The following ZNF367 variants were observed in gnomAD, a reference collection of about 807,000 sequenced individuals.
ZNF367 encodes zinc finger protein 367.
In ZNF367, 11 loss-of-function variants were observed where a neutral mutation model predicts 31.8. The ratio of observed to expected loss-of-function variants is 0.35; its 90% CI spans 0.22 to 0.57. ZNF367 has a LOEUF of 0.57. Among genes scored for constraint, ZNF367 ranks in the 20% least tolerant of loss-of-function variants. The pLI is 0.85. For synonymous variants in ZNF367, 199 were observed against 202.4 expected, an observed-to-expected ratio of 0.98 and a Z score of 0.14; for missense variants, 353 against 484.1, an observed-to-expected ratio of 0.73 and a Z score of 2.54.
chr9:96,388,214 C>T lies in ZNF367; in HGVS notation c.*23G>A. ...AAGTATGCTGGGCAGTACTTTTGTACAGTGGAAGAGTCAGTGTCCAAGCTA... is the reference window on the plus strand; with the variant it reads ...AAGTATGCTGGGCAGTACTTTTGTATAGTGGAAGAGTCAGTGTCCAAGCTA... On this transcript the variant is annotated 3_prime_UTR_variant, in exon 5 of 5. Coordinates refer to ENST00000375256, the MANE Select transcript of ZNF367 (RefSeq NM_153695.4). The T allele has an allele frequency of 6.3e-6, 10 of 1,594,774 alleles. No homozygotes were observed. The highest frequency in any genetic ancestry group is 8.5e-6 in the Non-Finnish European group (10 of 1,171,782).
rs138924968 is a variant in ZNF367, at chr9:96,402,731, C to T, written c.421-4417G>A. ...AAGTGATCCGCCCACCTCGGCCTCC[C>T]GGAGTGTTGGGATTACAGGCGTGAG... On this transcript the variant is annotated intron_variant, in intron 1 of 4. Transcript: ENST00000375256. 3.0e-4 allele frequency among the ~76,000 whole-genome samples: 46 copies of T among 151,080 alleles called. 1 individual carries two copies. The East Asian group carries it at 7.4e-3, about 24-fold the overall frequency.
Position 96,388,310 on chromosome 9 carries a change from T to A in ZNF367, c.980A>T (p.Gln327Leu). The A allele has an allele frequency of 6.2e-7, 1 of 1,612,374 alleles. No individual in the cohort carries two copies. The highest frequency in any genetic ancestry group is 8.5e-7 in the Non-Finnish European group (1 of 1,180,022). The change falls in exon 5 of 5, where the codon CAG (glutamine) becomes CTG (leucine). Residue 327 changes from glutamine (Q) to leucine (L), a missense_variant. Transcript: ENST00000375256. Reference protein sequence around the residue: ...KRGAQRRLQEQRERLHGALAL... With the variant: ...KRGAQRRLQELRERLHGALAL... ...GAGGGCTCCATGCAGGCGCTCCCGC[T>A]GCTCCTGCAGCCGGCGCTGGGCCCC...
At chr9:96,389,896 A>ATTT (rs777507011) in intron 4 of ZNF367, among the ~76,000 whole-genome samples, 28 of 94,012 alleles carry the variant, frequency 3.0e-4, no homozygotes, top group Non-Finnish European at 3.7e-4. Context: ...TGCCTGGCTA[A>ATTT]TTTTTTTTTT....
In ZNF367 at chr9:96,395,651, G is replaced by A. The variant is rs564511967; in HGVS notation, c.572-709C>T. Among the ~76,000 whole-genome samples, 3 of 152,056 alleles carry A rather than the reference G, an allele frequency of 2.0e-5. No homozygotes were observed. In the South Asian group the frequency reaches 6.2e-4, roughly 32 times the overall value. ...CATTCAAATCTTCCCAATCCTGTAGGCTCTCAGTGAGATTCTTCCTATCTC... is the reference window on the plus strand; with the variant it reads ...CATTCAAATCTTCCCAATCCTGTAGACTCTCAGTGAGATTCTTCCTATCTC... On this transcript the variant is annotated intron_variant, in intron 2 of 4. Coordinates refer to ENST00000375256, the MANE Select transcript of ZNF367 (RefSeq NM_153695.4).
chr9:96,407,720 G>A, intron 1 of ZNF367: 1 of 1,355,684 alleles, frequency 7.4e-7, no homozygotes. Flanking sequence ...GCATGGAAGA[G>A]GATAGTTACT....
In ZNF367 at chr9:96,417,669, C is replaced by T; in HGVS notation, c.364G>A (p.Ala122Thr). 1.9e-6 allele frequency: 2 copies of T among 1,039,314 alleles called. No homozygotes were observed. Among genetic ancestry groups the T allele is most frequent in the Non-Finnish European group, 2.4e-6 (2 of 820,748 alleles). The allele number at this position is 1,039,314 out of a possible 1,614,324, so 64.4% of individuals were successfully genotyped here. The change falls in exon 1 of 5, where the codon GCC becomes ACC. Residue 122 changes from alanine to threonine, a missense_variant. Ala to Thr is a moderately conservative substitution (Grantham distance 58). Around this residue, in one of 5 missense-constraint regions of ZNF367, gnomAD observed 70 missense variants for 57.1 expected, o/e 1.23. Transcript: ENST00000375256. The surrounding 1 kb of genome is among the most constrained non-coding windows in gnomAD (Gnocchi z 5.0). ...TCCTCCTCGTCCTCACCTCCCGAGG[C>T]GGCGGCGGAGGCCGAGGCGGCGGGC... ...PPPAASASAA[A>T]SGGEDEEEAS...
chr9:96,393,226 A>T (rs1415280092), intron 3 of ZNF367, among the ~76,000 whole-genome samples: 1 of 152,090 alleles, frequency 6.6e-6, no homozygotes, highest in Non-Finnish European at 1.5e-5. Context: ...CATTTAAAAA[A>T]CAAATTAAAT....
chr9:96,418,217 G>C lies in ZNF367; in HGVS notation c.-185C>G. 1 of 900,454 alleles carries C rather than the reference G, an allele frequency of 1.1e-6. No homozygotes were observed. Among genetic ancestry groups the C allele is most frequent in the South Asian group, 4.8e-5 (1 of 20,882 alleles). The allele number at this position is 900,454 out of a possible 1,614,324, so 55.8% of individuals were successfully genotyped here. A position where few individuals can be genotyped will look rare whatever the true frequency, so the allele number is the denominator to read the frequency against. The stretch of plus-strand genomic sequence containing the variant: ...CAGACGGCACCGGCGGGCAGGGCTG[G>C]ACCCCAGCCCCAGGTCAAGCGCGCC... On this transcript the variant is annotated 5_prime_UTR_variant, in exon 1 of 5. Transcript: ENST00000375256.
intron 4 of ZNF367, among the ~76,000 whole-genome samples, chr9:96,390,694 G>A (rs557957417): frequency 6.6e-6 from 1 of 152,024 alleles, no homozygotes; most frequent in African/African-American, 2.4e-5. Context: ...GACCAGCGTG[G>A]GCAACGTGAC....
chr9:96,418,264 G>T lies in ZNF367; in HGVS notation c.-232C>A. 1 of 522,056 alleles carries T rather than the reference G, an allele frequency of 1.9e-6. No homozygotes were observed. Among genetic ancestry groups the T allele is most frequent in the Non-Finnish European group, 2.9e-6 (1 of 339,910 alleles). The allele number at this position is 522,056 out of a possible 1,614,324, so 32.3% of individuals were successfully genotyped here. A position where few individuals can be genotyped will look rare whatever the true frequency, so the allele number is the denominator to read the frequency against. ...CGCCCTCCGCTCTTTGTACTCCGCA[G>T]CGCAGGCTGCAGGGGTGGGAAGCAG... is the stretch of plus-strand genomic sequence containing the variant. On this transcript the variant is annotated 5_prime_UTR_variant, in exon 1 of 5. It adds an upstream start codon to the 5' untranslated region. Transcript: ENST00000375256.
At chr9:96,413,885 G>A (rs1358425340) in intron 1 of ZNF367, among the ~76,000 whole-genome samples, 1 of 152,120 alleles carries the variant, frequency 6.6e-6, no homozygotes, top group East Asian at 1.9e-4. Flanking sequence ...GTAAATGAAC[G>A]CAAATATTGT....
At chr9:96,415,459 C>A (rs1831809091) in intron 1 of ZNF367, among the ~76,000 whole-genome samples, 1 of 135,596 alleles carries the variant, frequency 7.4e-6, no homozygotes, top group African/African-American at 2.7e-5. Flanking sequence ...ACTATCAACG[C>A]TTCTATCGTT....
intron 1 of ZNF367, among the ~76,000 whole-genome samples, chr9:96,402,712 T>C (rs1483191038): frequency 6.8e-6 from 1 of 147,422 alleles, no homozygotes; most frequent in Non-Finnish European, 1.5e-5. Context: ...CCTCAAGTGA[T>C]CCGCCCACCT....
intron 1 of ZNF367, chr9:96,407,489 A>G (rs1216925756): frequency 7.7e-7 from 1 of 1,298,686 alleles, no homozygotes; most frequent in Non-Finnish European, 1.1e-6. Context: ...TCAAAGATGC[A>G]TGAAAAGAAA....
At chr9:96,407,711 C>A in intron 1 of ZNF367, 1 of 1,353,672 alleles carries the variant, frequency 7.4e-7, no homozygotes, top group Non-Finnish European at 1.0e-6. Flanking sequence ...GGAAAGAAGG[C>A]ATGGAAGAGG....
intron 4 of ZNF367, among the ~76,000 whole-genome samples, chr9:96,390,884 G>GAAAA (rs34868065): frequency 1.3e-3 from 73 of 56,600 alleles, no homozygotes; most frequent in Middle Eastern, 0.016. Flanking sequence ...ACCCTGTCTC[G>GAAAA]AAAAAAAAAA....
rs1019219565 is a variant in ZNF367 at position 96,400,091 on chromosome 9, CAA to C, written c.421-1779_421-1778del. 3.9e-5 allele frequency among the ~76,000 whole-genome samples: 6 copies of C among 152,138 alleles called. No homozygotes were observed. In the East Asian group the frequency reaches 5.8e-4, roughly 15 times the overall value. On this transcript the variant is annotated intron_variant, in intron 1 of 4. Coordinates refer to ENST00000375256, the MANE Select transcript of ZNF367 (RefSeq NM_153695.4). ...GGTACATACACAGGAGAAATTAACA[CAA>C]AGAGTCTGAGAAGAAGAACAGACAC...
intron 1 of ZNF367, among the ~76,000 whole-genome samples, chr9:96,411,595 G>A (rs1043344022): frequency 5.9e-5 from 9 of 151,926 alleles, no homozygotes; most frequent in African/African-American, 2.2e-4. Flanking sequence ...AAATAAATAT[G>A]CAAGAACATA....
intron 1 of ZNF367, among the ~76,000 whole-genome samples, chr9:96,413,185 G>C (rs1408958637): frequency 6.6e-6 from 1 of 151,986 alleles, no homozygotes; most frequent in East Asian, 1.9e-4. Flanking sequence ...TTTGTCTTGG[G>C]GACTCTAATT....
Sources: gnomAD v4.1 joint callset for allele counts (sites outside exome capture counted in the v4.1 genomes callset) on GRCh38, gnomAD v4.1.1 for gene constraint, gnomAD v4.1.1 regional missense constraint, Gnocchi (gnomAD v3.1) non-coding constraint, MANE v1.5 for transcripts, NCBI Gene and HGNC (gene_info 2026-07-23, HGNC 2026-07-21) for gene names.